The following STAMBPL1 variants were observed in gnomAD, a reference collection of about 807,000 sequenced individuals.
STAMBPL1 encodes the protein AMSH-like protease.
Under a neutral mutation model 52.9 loss-of-function variants are expected in STAMBPL1, and 44 were observed. That is an observed-to-expected ratio of 0.83 (90% CI 0.65 to 1.07). The LOEUF (loss-of-function observed/expected upper bound fraction) is 1.07. Among genes scored for constraint, STAMBPL1 ranks in the 50% least tolerant of loss-of-function variants. STAMBPL1 has a pLI of 0.00. For missense variants in STAMBPL1, 511 were observed against 520.8 expected (o/e 0.98, Z 0.18); for synonymous variants, 164 against 177.3 (o/e 0.92, Z 0.60).
chr10:88,894,689 T>C (rs1055683196), intron 1 of STAMBPL1, among the ~76,000 whole-genome samples: 16 of 152,176 alleles, frequency 1.1e-4, no homozygotes, highest in Admixed American at 5.2e-4. Flanking sequence ...TTTAAGTGAT[T>C]TTTTTCTAAA....
At chr10:88,881,388 A>G (rs1844402648) in intron 1 of STAMBPL1, among the ~76,000 whole-genome samples, 1 of 152,190 alleles carries the variant, frequency 6.6e-6, no homozygotes, top group Admixed American at 6.5e-5. Flanking sequence ...AGGTTTGAAA[A>G]AAAAAATCAA....
At position 88,921,302 on chromosome 10, in the gene STAMBPL1, C is replaced by A; in HGVS notation, c.1061C>A (p.Ala354Glu). 3.7e-6 allele frequency: 6 copies of A among 1,613,062 alleles called. No homozygotes were observed. The highest frequency in any genetic ancestry group is 5.1e-6 in the Non-Finnish European group (6 of 1,179,418). Residue 354 changes from alanine to glutamate, a missense_variant, in exon 9 of 11, where the codon GCA (alanine) becomes GAA (glutamate). This residue lies in a region of STAMBPL1 where 137 missense variants were observed against 139.9 expected (regional missense o/e 0.98). Coordinates refer to ENST00000371926, the MANE Select transcript of STAMBPL1 (RefSeq NM_020799.4). The part of the protein sequence containing the change: ...GWIHTHPTQT[A>E]FLSSVDLHTH... The stretch of plus-strand genomic sequence containing the variant: ...TTATAGACACATCCCACTCAAACTG[C>A]ATTTTTATCCAGCGTTGATCTTCAC...
chr10:88,899,934 T>C (rs576485801), intron 1 of STAMBPL1, among the ~76,000 whole-genome samples: 1 of 152,246 alleles, frequency 6.6e-6, no homozygotes, highest in South Asian at 2.1e-4. Context: ...ACGTCTTTTT[T>C]TCCTGGTTTA....
intron 8 of STAMBPL1, among the ~76,000 whole-genome samples, chr10:88,917,478 A>G (rs1288640517): frequency 6.6e-6 from 1 of 152,162 alleles, no homozygotes; most frequent in Non-Finnish European, 1.5e-5. Context: ...AGAATTCACT[A>G]TAGGAGCATT....
chr10:88,916,756 A>T lies in STAMBPL1; in HGVS notation c.980A>T (p.Asn327Ile). The T allele has an allele frequency of 6.2e-7, 1 of 1,610,282 alleles. No homozygotes were observed. The highest frequency in any genetic ancestry group is 1.3e-5 in the African/African-American group (1 of 74,728). Residue 327 changes from asparagine (N) to isoleucine (I), a missense_variant, in exon 8 of 11, where the codon AAT (asparagine) becomes ATT (isoleucine). Physicochemically the swap from Asn to Ile is moderately radical, Grantham distance 149. Transcript: ENST00000371926. ...GGACCAGACTATTGTGACATGGAGA[A>T]TGTAGAGGAATTATTCAATGTTCAG... ...SAGPDYCDMENVEELFNVQDQ... is the reference protein window; with the variant it reads ...SAGPDYCDMEIVEELFNVQDQ...
rs761196089 is a variant in STAMBPL1 at position 88,923,410 on chromosome 10, G to T, written c.*186G>T. On this transcript the variant is annotated 3_prime_UTR_variant, in exon 11 of 11. Transcript: ENST00000371926. The stretch of plus-strand genomic sequence containing the variant: ...CTTTTTGGGTTGCTCTGTGTCAAGA[G>T]AGGTTACATGGTGTTAAATCGGTAC... 138 of 1,348,894 alleles carry T rather than the reference G, an allele frequency of 1.0e-4. No individual in the cohort carries two copies. Among genetic ancestry groups the T allele is most frequent in the Non-Finnish European group, 1.2e-4 (131 of 1,056,672 alleles). The allele number at this position is 1,348,894 out of a possible 1,614,324, so 83.6% of individuals were successfully genotyped here. A position where few individuals can be genotyped will look rare whatever the true frequency, so the allele number is the denominator to read the frequency against.
chr10:88,911,604 C>T (rs1314563704), intron 5 of STAMBPL1, among the ~76,000 whole-genome samples: 4 of 152,172 alleles, frequency 2.6e-5, no homozygotes, highest in South Asian at 2.1e-4. Flanking sequence ...GGGATACTCA[C>T]GTTCAACATA....
At chr10:88,891,988 G>A (rs1160032726) in intron 1 of STAMBPL1, among the ~76,000 whole-genome samples, 1 of 151,682 alleles carries the variant, frequency 6.6e-6, no homozygotes, top group Non-Finnish European at 1.5e-5. Context: ...ACATTTGAAG[G>A]TACAATGCTA....
intron 1 of STAMBPL1, among the ~76,000 whole-genome samples, chr10:88,893,627 G>A (rs1334805730): frequency 6.6e-6 from 1 of 152,124 alleles, no homozygotes; most frequent in Non-Finnish European, 1.5e-5. Context: ...TGTAATCCCA[G>A]CTACTTAGGA....
intron 3 of STAMBPL1, among the ~76,000 whole-genome samples, chr10:88,908,413 T>TG (rs1326334989): frequency 6.6e-6 from 1 of 152,210 alleles, no homozygotes; most frequent in African/African-American, 2.4e-5. Flanking sequence ...GGTGCTCTTT[T>TG]GGGGCTAAGC....
chr10:88,883,214 T>G (rs1338816545), intron 1 of STAMBPL1, among the ~76,000 whole-genome samples: 1 of 152,122 alleles, frequency 6.6e-6, no homozygotes, highest in Non-Finnish European at 1.5e-5. Context: ...ACATCACCTC[T>G]TCTGCTATTT....
In STAMBPL1 at chr10:88,880,491, C is replaced by G. The variant is rs1034056503; in HGVS notation, c.-201C>G. 6.6e-6 allele frequency: 1 copy of G among 152,282 alleles called. No individual in the cohort carries two copies. The highest frequency in any genetic ancestry group is 2.1e-4 in the South Asian group (1 of 4,834). The allele number at this position is 152,282 out of a possible 1,614,324, so 9.4% of individuals were successfully genotyped here. A position where few individuals can be genotyped will look rare whatever the true frequency, so the allele number is the denominator to read the frequency against. On this transcript the variant is annotated 5_prime_UTR_variant, in exon 1 of 11. Coordinates refer to ENST00000371926, the MANE Select transcript of STAMBPL1 (RefSeq NM_020799.4). ...CGAGCGGACGCCTCGTCGCCGGGTG[C>G]CGGTATCACCCCGCTGCAACGCCTT... is the stretch of plus-strand genomic sequence containing the variant.
At chr10:88,895,949 A>G (rs545543759) in intron 1 of STAMBPL1, among the ~76,000 whole-genome samples, 3 of 152,220 alleles carry the variant, frequency 2.0e-5, no homozygotes, top group Non-Finnish European at 4.4e-5. Flanking sequence ...TTGTTTAATC[A>G]TCTTTCCTGT....
chr10:88,897,863 C>G (rs1844850997), intron 1 of STAMBPL1, among the ~76,000 whole-genome samples: 1 of 152,222 alleles, frequency 6.6e-6, no homozygotes, highest in South Asian at 2.1e-4. Flanking sequence ...ATACTGAATA[C>G]TTCCCATTAG....
chr10:88,896,767 T>G (rs937688044), intron 1 of STAMBPL1, among the ~76,000 whole-genome samples: 1 of 152,118 alleles, frequency 6.6e-6, no homozygotes, highest in African/African-American at 2.4e-5. Context: ...ATCATCTGCT[T>G]TCTGAATTCT....
At chr10:88,889,032 C>G (rs571052033) in intron 1 of STAMBPL1, among the ~76,000 whole-genome samples, 2 of 152,270 alleles carry the variant, frequency 1.3e-5, no homozygotes, top group East Asian at 1.9e-4. Context: ...AAGGATGGAG[C>G]TATATTTTAT....
rs375005183 is a variant in STAMBPL1 at position 88,881,352 on chromosome 10, A to G, written c.-54+714A>G. Among the ~76,000 whole-genome samples the G allele has an allele frequency of 9.5e-4, 144 of 152,314 alleles. 5 individuals carry two copies. The South Asian group carries it at 0.028, about 30-fold the overall frequency. ...AAGAAAATTTATGTAAGGAATAAGT[A>G]ATTCAGGAAACGGAACCCAATCTAG... On this transcript the variant is annotated intron_variant, in intron 1 of 10. Transcript: ENST00000371926.
At chr10:88,888,446 G>A (rs1005501342) in intron 1 of STAMBPL1, among the ~76,000 whole-genome samples, 1 of 152,196 alleles carries the variant, frequency 6.6e-6, no homozygotes, top group African/African-American at 2.4e-5. Context: ...AAGGCAGAAA[G>A]AAACAAGGGT....
At chr10:88,894,335 G>A (rs190765133) in intron 1 of STAMBPL1, among the ~76,000 whole-genome samples, 201 of 152,072 alleles carry the variant, frequency 1.3e-3, no homozygotes, top group African/African-American at 4.7e-3. Flanking sequence ...GGGAACGAAA[G>A]CATTCTGCTA....
Sources: gnomAD v4.1 joint callset for allele counts (sites outside exome capture counted in the v4.1 genomes callset) on GRCh38, gnomAD v4.1.1 for gene constraint, gnomAD v4.1.1 regional missense constraint, MANE v1.5 for transcripts, NCBI Gene and HGNC (gene_info 2026-07-23, HGNC 2026-07-21) for gene names.